The following GYPE variants were observed in gnomAD, a reference collection of about 807,000 sequenced individuals.
The protein encoded by GYPE is glycophorin-E.
In GYPE, 8 loss-of-function variants were observed where a neutral mutation model predicts 11.6. The observed-to-expected ratio is 0.69, with a 90% CI of 0.41 to 1.25. The LOEUF is 1.25. Ranked by LOEUF, GYPE falls within the 50% of genes most tolerant of loss-of-function variation. The probability of loss-of-function intolerance (pLI) is 0.01; values close to 1 mark genes in which losing one functional copy is unlikely to be tolerated. For missense variants in GYPE, 90 were observed against 92.8 expected (o/e 0.97, Z 0.12); for synonymous variants, 28 against 29.6 (o/e 0.94, Z 0.18).
At chr4:143,903,977 TC>T (rs1744966000) in intron 1 of GYPE, among the ~76,000 whole-genome samples, 1 of 152,130 alleles carries the variant, frequency 6.6e-6, no homozygotes, top group Non-Finnish European at 1.5e-5. Flanking sequence ...AAAGAATACA[TC>T]TTTTTTTTCT....
At chr4:143,895,385 A>C (rs964718839) in intron 1 of GYPE, among the ~76,000 whole-genome samples, 4 of 152,150 alleles carry the variant, frequency 2.6e-5, no homozygotes, top group African/African-American at 9.7e-5. Context: ...GAGCCAAATC[A>C]TGAGTGAAAT....
chr4:143,890,858 C>T (rs1258216022), intron 1 of GYPE, among the ~76,000 whole-genome samples: 6 of 151,666 alleles, frequency 4.0e-5, no homozygotes, highest in African/African-American at 9.7e-5. Context: ...TTTAATTTTA[C>T]TTTAATCACT....
chr4:143,903,560 A>C (rs1238900461), intron 1 of GYPE, among the ~76,000 whole-genome samples: 1 of 150,938 alleles, frequency 6.6e-6, no homozygotes, highest in Non-Finnish European at 1.5e-5. Context: ...AAAGAAAAAG[A>C]CTTCACCATG....
In GYPE at chr4:143,905,540, G is replaced by A. The variant is rs372926903; in HGVS notation, c.-33C>T. ...TCACGAGCTGGCTCCTGAAGTTAGT[G>A]CAAAAAAACTACCAAAGACAACTGC... On this transcript the variant is annotated 5_prime_UTR_variant, in exon 1 of 4. Coordinates refer to ENST00000358615, the MANE Select transcript of GYPE (RefSeq NM_198682.3). 2 of 1,612,742 alleles carry A rather than the reference G, an allele frequency of 1.2e-6. No individual in the cohort carries two copies. The highest frequency in any genetic ancestry group is 1.7e-6 in the Non-Finnish European group (2 of 1,179,124).
chr4:143,873,525 C>T (rs1393891970), intron 3 of GYPE: 1 of 450,812 alleles, frequency 2.2e-6, no homozygotes, highest in Admixed American at 2.4e-5. Context: ...CTATGAGTAA[C>T]TTAAGTGGAG....
At chr4:143,899,075 A>T (rs1385994369) in intron 1 of GYPE, among the ~76,000 whole-genome samples, 1 of 146,612 alleles carries the variant, frequency 6.8e-6, no homozygotes, top group East Asian at 2.0e-4. Flanking sequence ...AGCCCATATA[A>T]AAAGGAGCAA....
intron 1 of GYPE, among the ~76,000 whole-genome samples, chr4:143,894,678 A>G (rs1389650572): frequency 6.6e-6 from 1 of 152,174 alleles, no homozygotes; most frequent in Non-Finnish European, 1.5e-5. Flanking sequence ...TCCTGGTACC[A>G]GAGCCGGGCA....
intron 2 of GYPE, among the ~76,000 whole-genome samples, chr4:143,878,205 A>T (rs1693129844): frequency 6.6e-6 from 1 of 152,146 alleles, no homozygotes; most frequent in Admixed American, 6.5e-5. Context: ...AGCTCACTGC[A>T]GCCTCAAACT....
At chr4:143,904,391 C>T (rs373067928) in intron 1 of GYPE, among the ~76,000 whole-genome samples, 9 of 152,102 alleles carry the variant, frequency 5.9e-5, no homozygotes, top group African/African-American at 1.7e-4. Flanking sequence ...CCAACATTGC[C>T]TGCATTTTAA....
At chr4:143,881,883 A>C (rs574633062) in intron 1 of GYPE, among the ~76,000 whole-genome samples, 5 of 152,308 alleles carry the variant, frequency 3.3e-5, no homozygotes, top group Admixed American at 2.0e-4. Flanking sequence ...GAGGCAGCCA[A>C]CTTGGCCCCT....
At chr4:143,895,730 G>A (rs1478038337) in intron 1 of GYPE, among the ~76,000 whole-genome samples, 1 of 147,430 alleles carries the variant, frequency 6.8e-6, no homozygotes, top group Admixed American at 6.8e-5. Flanking sequence ...CAAAGCTGGA[G>A]GCATCACGCT....
At chr4:143,875,370 G>A (rs1478543544) in intron 3 of GYPE, 1 of 1,136,574 alleles carries the variant, frequency 8.8e-7, no homozygotes, top group Admixed American at 2.1e-5. Flanking sequence ...TAATAGGCAG[G>A]AGAACAGGGA....
At chr4:143,898,243 G>A (rs564447109) in intron 1 of GYPE, among the ~76,000 whole-genome samples, 2 of 152,268 alleles carry the variant, frequency 1.3e-5, no homozygotes, top group South Asian at 2.1e-4. Flanking sequence ...TGGGCGTGGT[G>A]GTGTGCGCCT....
At chr4:143,893,869 C>T (rs898765584) in intron 1 of GYPE, among the ~76,000 whole-genome samples, 15 of 152,186 alleles carry the variant, frequency 9.9e-5, no homozygotes, top group Admixed American at 9.2e-4. Context: ...CCTTGCTAGA[C>T]TGGGGAAGTT....
At chr4:143,877,212 T>C (rs1209481371) in intron 2 of GYPE, among the ~76,000 whole-genome samples, 2 of 152,120 alleles carry the variant, frequency 1.3e-5, no homozygotes, top group Non-Finnish European at 2.9e-5. Flanking sequence ...AATTCTCCCA[T>C]AGTTTGGAAA....
At chr4:143,903,777 C>T (rs1744956075) in intron 1 of GYPE, among the ~76,000 whole-genome samples, 1 of 149,548 alleles carries the variant, frequency 6.7e-6, no homozygotes, top group South Asian at 2.1e-4. Flanking sequence ...GGCTTTAATT[C>T]ACTATCTGCT....
chr4:143,875,975 A>C (rs1382323851), intron 3 of GYPE, among the ~76,000 whole-genome samples: 2 of 144,934 alleles, frequency 1.4e-5, no homozygotes, highest in African/African-American at 2.6e-5. Context: ...AACTCTGTCT[A>C]AAAAAAAAAA....
At chr4:143,878,300 T>C (rs965958807) in intron 2 of GYPE, among the ~76,000 whole-genome samples, 5 of 151,976 alleles carry the variant, frequency 3.3e-5, no homozygotes, top group East Asian at 1.9e-4. Context: ...CCCATCCCAG[T>C]TAATTTTTGT....
At chr4:143,889,813 A>G (rs1217455348) in intron 1 of GYPE, among the ~76,000 whole-genome samples, 2 of 152,096 alleles carry the variant, frequency 1.3e-5, no homozygotes, top group Non-Finnish European at 2.9e-5. Context: ...ACTAGCTGAG[A>G]CCCTATTGTT....
Sources: gnomAD v4.1 joint callset for allele counts (sites outside exome capture counted in the v4.1 genomes callset) on GRCh38, gnomAD v4.1.1 for gene constraint, MANE v1.5 for transcripts, NCBI Gene and HGNC (gene_info 2026-07-23, HGNC 2026-07-21) for gene names.